The following CERS6 variants were observed in gnomAD, a reference collection of about 807,000 sequenced individuals.
The protein encoded by CERS6 is LAG1 homolog, ceramide synthase 6.
CERS6 carries 26 observed loss-of-function variants against 56.8 expected under a neutral mutation model. That is an observed-to-expected ratio of 0.46 (90% confidence interval 0.34 to 0.63). CERS6 has a LOEUF of 0.63. Among genes scored for constraint, CERS6 ranks in the 30% least tolerant of loss-of-function variants. CERS6 has a pLI of 0.01. For missense variants in CERS6, 415 were observed against 467.5 expected (o/e 0.89, Z 1.04); for synonymous variants, 164 against 173.3 (o/e 0.95, Z 0.42).
At chr2:168,634,866 A>G (rs769423938) in intron 4 of CERS6, among the ~76,000 whole-genome samples, 1 of 152,210 alleles carries the variant, frequency 6.6e-6, no homozygotes, top group Non-Finnish European at 1.5e-5. Context: ...TGACTGTAAT[A>G]TAAAGAATCA....
At chr2:168,715,904 T>C (rs1218786770) in intron 7 of CERS6, among the ~76,000 whole-genome samples, 1 of 152,160 alleles carries the variant, frequency 6.6e-6, no homozygotes, top group Non-Finnish European at 1.5e-5. Flanking sequence ...AAATGGTTCT[T>C]ACAATCTGAT....
intron 8 of CERS6, among the ~76,000 whole-genome samples, chr2:168,731,689 C>G (rs751121596): frequency 1.3e-5 from 2 of 151,872 alleles, no homozygotes; most frequent in South Asian, 4.2e-4. Context: ...TCTGGCATAA[C>G]GATTTTAAAT....
At chr2:168,466,152 T>C (rs1693870674) in intron 1 of CERS6, among the ~76,000 whole-genome samples, 1 of 152,092 alleles carries the variant, frequency 6.6e-6, no homozygotes, top group African/African-American at 2.4e-5. Flanking sequence ...AAGTATCCCG[T>C]TTTTTTAGAA....
chr2:168,745,207 A>G (rs1684061084), intron 8 of CERS6, among the ~76,000 whole-genome samples: 1 of 152,058 alleles, frequency 6.6e-6, no homozygotes, highest in South Asian at 2.1e-4. Flanking sequence ...TGTATTATGT[A>G]CATGCTCCAA....
intron 3 of CERS6, among the ~76,000 whole-genome samples, chr2:168,602,902 G>A (rs1476536011): frequency 6.6e-6 from 1 of 152,176 alleles, no homozygotes; most frequent in African/African-American, 2.4e-5. Flanking sequence ...ATTCTTTGGG[G>A]GCACTGATGG....
At chr2:168,632,255 G>A (rs907827168) in intron 4 of CERS6, among the ~76,000 whole-genome samples, 1 of 152,052 alleles carries the variant, frequency 6.6e-6, no homozygotes, top group Non-Finnish European at 1.5e-5. Flanking sequence ...TGATATCAGT[G>A]TTATCTTTAT....
At chr2:168,529,409 A>G (rs1395182914) in intron 1 of CERS6, among the ~76,000 whole-genome samples, 1 of 152,178 alleles carries the variant, frequency 6.6e-6, no homozygotes, top group Non-Finnish European at 1.5e-5. Flanking sequence ...AATCCACCAG[A>G]AAAATAAAGG....
chr2:168,637,382 T>C (rs1407973367), intron 4 of CERS6, among the ~76,000 whole-genome samples: 2 of 152,074 alleles, frequency 1.3e-5, no homozygotes, highest in Admixed American at 1.3e-4. Flanking sequence ...CTCAGGAGGC[T>C]GAGGCAGGAG....
intron 3 of CERS6, among the ~76,000 whole-genome samples, chr2:168,564,820 A>T (rs574254490): frequency 1.3e-5 from 2 of 152,312 alleles, no homozygotes; most frequent in East Asian, 3.9e-4. Context: ...ACCCTGAATC[A>T]CATGCTGCCT....
intron 2 of CERS6, among the ~76,000 whole-genome samples, chr2:168,556,990 A>C (rs1245260284): frequency 1.9e-5 from 1 of 52,458 alleles, no homozygotes; most frequent in Non-Finnish European, 3.3e-5. Context: ...CCTTGTCTCT[A>C]CAAAAAAAAA....
At chr2:168,524,363 T>C (rs1470642103) in intron 1 of CERS6, among the ~76,000 whole-genome samples, 1 of 152,202 alleles carries the variant, frequency 6.6e-6, no homozygotes, top group Non-Finnish European at 1.5e-5. Context: ...CTAATTTTGC[T>C]ATATAGGAAG....
At chr2:168,507,632 T>C (rs1276661048) in intron 1 of CERS6, among the ~76,000 whole-genome samples, 3 of 152,184 alleles carry the variant, frequency 2.0e-5, no homozygotes, top group Non-Finnish European at 4.4e-5. Context: ...TGTAATTGAT[T>C]AGTATTTTGT....
At chr2:168,533,222 T>C (rs536854471) in intron 1 of CERS6, among the ~76,000 whole-genome samples, 1 of 152,324 alleles carries the variant, frequency 6.6e-6, no homozygotes. Flanking sequence ...GAAATTTTCT[T>C]TTTTTGTTGT....
chr2:168,666,239 A>G (rs530313553), intron 4 of CERS6, among the ~76,000 whole-genome samples: 1 of 152,308 alleles, frequency 6.6e-6, no homozygotes, highest in South Asian at 2.1e-4. Flanking sequence ...ACAAATGTAT[A>G]ATGACATGCA....
intron 8 of CERS6, among the ~76,000 whole-genome samples, chr2:168,746,611 A>G (rs1018721496): frequency 2.0e-5 from 3 of 151,476 alleles, no homozygotes; most frequent in Non-Finnish European, 4.4e-5. Context: ...TAGGAATGTT[A>G]ACACCAAAAC....
At chr2:168,746,776 T>C (rs75497242) in intron 8 of CERS6, among the ~76,000 whole-genome samples, 1 of 12,860 alleles carries the variant, frequency 7.8e-5, no homozygotes, top group Non-Finnish European at 1.4e-4. Flanking sequence ...GGGTAAAGGG[T>C]ATATATATAT....
In CERS6 at chr2:168,772,438, C is replaced by A. The variant is rs1336441638; in HGVS notation, c.*2776C>A. The A allele has an allele frequency of 3.9e-5, 6 of 152,446 alleles. No homozygotes were observed. Among genetic ancestry groups the A allele is most frequent in the African/African-American group, 1.4e-4 (6 of 41,382 alleles). The allele number at this position is 152,446 out of a possible 1,614,324, so 9.4% of individuals were successfully genotyped here. The stretch of plus-strand genomic sequence containing the variant: ...TTATGTATATATATGTATGTTTCTC[C>A]AAAAAGTGATAAAACCAAAATATCA... On this transcript the variant is annotated 3_prime_UTR_variant, in exon 10 of 10. Coordinates refer to ENST00000305747, the MANE Select transcript of CERS6 (RefSeq NM_203463.3).
At chr2:168,579,273 G>T (rs1341788249) in intron 3 of CERS6, among the ~76,000 whole-genome samples, 2 of 151,842 alleles carry the variant, frequency 1.3e-5, no homozygotes, top group East Asian at 3.9e-4. Context: ...CCGTGGAGTT[G>T]GGGGGGCACT....
At chr2:168,672,756 C>G (rs1252983693) in intron 4 of CERS6, among the ~76,000 whole-genome samples, 1 of 152,168 alleles carries the variant, frequency 6.6e-6, no homozygotes, top group East Asian at 1.9e-4. Context: ...ATTGCTGGTT[C>G]AGCCTCTTGA....
Sources: allele counts gnomAD v4.1 joint callset (sites outside exome capture counted in the v4.1 genomes callset), GRCh38; gene constraint gnomAD v4.1.1; transcripts MANE v1.5; gene names NCBI Gene and HGNC (gene_info 2026-07-23, HGNC 2026-07-21).